Variants in DENND1B observed in about 807,000 individuals in gnomAD.
DENND1B encodes DENN domain containing 1B.
DENND1B carries 59 observed loss-of-function variants against 90.1 expected under a neutral mutation model. The observed-to-expected ratio is 0.65, with a 90% CI of 0.53 to 0.81. DENND1B has a LOEUF of 0.81. Among genes scored for constraint, DENND1B ranks in the 40% least tolerant of loss-of-function variants. The probability of loss-of-function intolerance (pLI) is 0.00; values close to 1 mark genes in which losing one functional copy is unlikely to be tolerated. For missense variants in DENND1B, 862 were observed against 912.6 expected (o/e 0.94, Z 0.71); for synonymous variants, 337 against 324.6 (o/e 1.04, Z -0.41).
intron 3 of DENND1B, among the ~76,000 whole-genome samples, chr1:197,714,807 T>C (rs1185757446): frequency 6.6e-6 from 1 of 152,136 alleles, no homozygotes; most frequent in Non-Finnish European, 1.5e-5. Flanking sequence ...CTAGCTCCTA[T>C]GAGTTTCAAT....
At chr1:197,519,963 T>G (rs1042965301) in intron 20 of DENND1B, among the ~76,000 whole-genome samples, 1 of 151,468 alleles carries the variant, frequency 6.6e-6, no homozygotes, top group Non-Finnish European at 1.5e-5. Flanking sequence ...GGGATTATAA[T>G]AGTAAGGTGG....
intron 3 of DENND1B, among the ~76,000 whole-genome samples, chr1:197,696,035 CA>C (rs968565173): frequency 6.6e-6 from 1 of 151,176 alleles, no homozygotes; most frequent in Non-Finnish European, 1.5e-5. Flanking sequence ...CTCCTACCTG[CA>C]TCCTTTTTTT....
chr1:197,720,404 AT>A (rs954326559), intron 2 of DENND1B, among the ~76,000 whole-genome samples: 66 of 149,006 alleles, frequency 4.4e-4, no homozygotes, highest in Non-Finnish European at 8.7e-4. Context: ...TGCCCAACTA[AT>A]TTTTTTTTTC....
intron 3 of DENND1B, among the ~76,000 whole-genome samples, chr1:197,697,759 G>C (rs984299280): frequency 7.2e-5 from 11 of 151,980 alleles, no homozygotes; most frequent in African/African-American, 2.4e-4. Context: ...AAAAAGCAGG[G>C]ATTGTAGTCC....
At chr1:197,586,266 G>GA (rs1040739935) in intron 14 of DENND1B, among the ~76,000 whole-genome samples, 9 of 151,772 alleles carry the variant, frequency 5.9e-5, no homozygotes, top group African/African-American at 1.9e-4. Flanking sequence ...AAAGAGATCT[G>GA]AAAAAAATGT....
At chr1:197,753,781 G>A (rs1300098511) in intron 2 of DENND1B, among the ~76,000 whole-genome samples, 8 of 151,848 alleles carry the variant, frequency 5.3e-5, no homozygotes, top group South Asian at 2.1e-4. Flanking sequence ...CAGGCAGATC[G>A]CCTGAAGTCA....
intron 3 of DENND1B, among the ~76,000 whole-genome samples, chr1:197,698,904 T>C (rs182763398): frequency 1.9e-3 from 285 of 152,200 alleles, no homozygotes; most frequent in Non-Finnish European, 1.9e-3. Flanking sequence ...AGTTCTGAAA[T>C]TGAGGCAGTA....
intron 12 of DENND1B, among the ~76,000 whole-genome samples, chr1:197,607,812 A>G (rs1323666811): frequency 1.3e-5 from 2 of 150,778 alleles, no homozygotes; most frequent in Admixed American, 6.6e-5. Flanking sequence ...TTTAATCAAA[A>G]TAGTCAAATT....
chr1:197,781,693 C>T, the DENND1B span, among the ~76,000 whole-genome samples: 403 of 152,252 alleles, frequency 2.6e-3, no homozygotes, highest in African/African-American at 8.5e-3. Context: ...TTGTTTCACA[C>T]CTCAAAGCTC....
At chr1:197,609,547 T>C (rs1162709902) in intron 12 of DENND1B, among the ~76,000 whole-genome samples, 1 of 150,564 alleles carries the variant, frequency 6.6e-6, no homozygotes, top group Non-Finnish European at 1.5e-5. Flanking sequence ...AGAAGGAAAT[T>C]TGTATTTTAA....
At chr1:197,552,511 AAACTT>A in intron 16 of DENND1B, 1 of 985,494 alleles carries the variant, frequency 1.0e-6, no homozygotes, top group Non-Finnish European at 1.2e-6. Context: ...GGTAAACTGG[AAACTT>A]TCTTAATGCT....
the DENND1B span, among the ~76,000 whole-genome samples, chr1:197,781,776 G>C: frequency 6.6e-6 from 1 of 152,122 alleles, no homozygotes; most frequent in Admixed American, 6.5e-5. Context: ...GTGGACAAAA[G>C]AACTCAGATA....
In DENND1B at chr1:197,647,764, C is replaced by T. The variant is rs146714541; in HGVS notation, c.448-650G>A. Among the ~76,000 whole-genome samples, 169 of 152,080 alleles carry T rather than the reference C, an allele frequency of 1.1e-3. 1 individual carries two copies. Among genetic ancestry groups the T allele is most frequent in the Non-Finnish European group, 2.0e-3 (137 of 67,960 alleles). ...AGGAGTTTGAGACCAGCCTGACCAGCATGGTGAAACCCCATCTCTACTAAA... is the reference window on the plus strand; with the variant it reads ...AGGAGTTTGAGACCAGCCTGACCAGTATGGTGAAACCCCATCTCTACTAAA... On this transcript the variant is annotated intron_variant, in intron 7 of 22. Coordinates refer to ENST00000620048, the MANE Select transcript of DENND1B (RefSeq NM_001195215.2).
rs764533924 is a variant in DENND1B at position 197,553,089 on chromosome 1, T to G, written c.1173A>C (p.Lys391Asn). The change falls in exon 16 of 23, where the codon AAA becomes AAC. Residue 391 changes from lysine (K) to asparagine (N), a missense_variant. By Grantham distance (94) the Lys-to-Asn change is moderately conservative (BLOSUM62 0). Coordinates refer to ENST00000620048, the MANE Select transcript of DENND1B (RefSeq NM_001195215.2). Reference protein sequence around the residue: ...FKQFIDGRLAKLNAGRGFSDV... With the variant: ...FKQFIDGRLANLNAGRGFSDV... The stretch of plus-strand genomic sequence containing the variant: ...CAGAGAAACCCCTTCCTGCATTTAG[T>G]TTTGCCAGTCGACCATCGATAAACT... 1 of 1,539,224 alleles carries G rather than the reference T, an allele frequency of 6.5e-7. No homozygotes were observed. The highest frequency in any genetic ancestry group is 1.4e-5 in the African/African-American group (1 of 70,410).
chr1:197,617,189 A>C (rs1677726519), intron 11 of DENND1B, among the ~76,000 whole-genome samples: 1 of 151,094 alleles, frequency 6.6e-6, no homozygotes, highest in Non-Finnish European at 1.5e-5. Context: ...CCCCTTTATC[A>C]GTACTTGGTA....
Position 197,628,548 on chromosome 1 carries a change from C to T in DENND1B, c.673-10789G>A, listed in dbSNP as rs372676620. On this transcript the variant is annotated intron_variant, in intron 10 of 22. Transcript: ENST00000620048. ...ATTCAAGATGGATTAAAGACTTAAA[C>T]GTTAGACCTAAAACCATAAAAACCC... Among the ~76,000 whole-genome samples the T allele has an allele frequency of 7.6e-4, 115 of 152,122 alleles. 1 individual carries two copies. Among genetic ancestry groups the T allele is most frequent in the African/African-American group, 2.0e-3 (81 of 41,520 alleles).
At chr1:197,552,085 T>C (rs1043524342) in intron 16 of DENND1B, among the ~76,000 whole-genome samples, 4 of 152,172 alleles carry the variant, frequency 2.6e-5, no homozygotes, top group African/African-American at 9.6e-5. Context: ...TTAAATTTTG[T>C]GAAATGTGTA....
chr1:197,762,814 G>A (rs2102467261), intron 2 of DENND1B, among the ~76,000 whole-genome samples: 1 of 152,076 alleles, frequency 6.6e-6, no homozygotes, highest in East Asian at 1.9e-4. Flanking sequence ...TGTTCTTCCT[G>A]GGTCTGACAT....
At chr1:197,765,122 A>T (rs1164415825) in intron 2 of DENND1B, among the ~76,000 whole-genome samples, 1 of 152,174 alleles carries the variant, frequency 6.6e-6, no homozygotes, top group Admixed American at 6.5e-5. Context: ...CTCCTAAATA[A>T]ATACTTTTAA....
Sources: gnomAD v4.1 joint callset for allele counts (sites outside exome capture counted in the v4.1 genomes callset) on GRCh38, gnomAD v4.1.1 for gene constraint, MANE v1.5 for transcripts, NCBI Gene and HGNC (gene_info 2026-07-23, HGNC 2026-07-21) for gene names.